The following PPARA variants were observed in gnomAD, a reference collection of about 807,000 sequenced individuals.
The protein encoded by PPARA is peroxisome proliferator-activated receptor alpha.
PPARA carries 22 observed loss-of-function variants against 42.2 expected under a neutral mutation model. That is an observed-to-expected ratio of 0.52 (90% CI 0.37 to 0.74). The LOEUF (loss-of-function observed/expected upper bound fraction) is 0.74. Ranked by LOEUF, PPARA falls within the 30% of genes least tolerant of loss-of-function variation. The pLI is 0.00. For synonymous variants in PPARA, 242 were observed against 239.3 expected, an observed-to-expected ratio of 1.01 and a Z score of -0.10; for missense variants, 465 against 608.2, an observed-to-expected ratio of 0.76 and a Z score of 2.48.
chr22:46,227,913 T>C lies in PPARA; in HGVS notation c.712-3879T>C, dbSNP rs558964602. On this transcript the variant is annotated intron_variant, in intron 7 of 8. Coordinates refer to ENST00000407236, the MANE Select transcript of PPARA (RefSeq NM_005036.6). The surrounding 1 kb of genome is among the most constrained non-coding windows in gnomAD (Gnocchi z 4.3). ...TGTTTATCCATAAAGTTTAGCGAAT[T>C]TGCAAGTGTGTTTTTCAACAGCATT... Among the ~76,000 whole-genome samples the C allele has an allele frequency of 6.6e-6, 1 of 152,342 alleles. No homozygotes were observed. The highest frequency in any genetic ancestry group is 1.9e-4 in the East Asian group (1 of 5,186).
At position 46,163,807 on chromosome 22, in the gene PPARA, A is replaced by G. The variant is rs1044227907; in HGVS notation, c.-127+11837A>G. On this transcript the variant is annotated intron_variant, in intron 2 of 8. Coordinates refer to ENST00000407236, the MANE Select transcript of PPARA (RefSeq NM_005036.6). The surrounding 1 kb of genome is among the most constrained non-coding windows in gnomAD (Gnocchi z 4.9). Reference sequence around the variant, plus strand: ...GAAGTCGCCCACACTGCTTTCCCCCATGGGAGTGACAAGGATGTGTCCCGC... The same window carrying G: ...GAAGTCGCCCACACTGCTTTCCCCCGTGGGAGTGACAAGGATGTGTCCCGC... The G allele has an allele frequency of 1.3e-5, 2 of 152,166 alleles. No homozygotes were observed. The highest frequency in any genetic ancestry group is 2.9e-5 in the Non-Finnish European group (2 of 68,046). The allele number at this position is 152,166 out of a possible 1,614,324, so 9.4% of individuals were successfully genotyped here. A position where few individuals can be genotyped will look rare whatever the true frequency, so the allele number is the denominator to read the frequency against.
In PPARA at chr22:46,227,550, T is replaced by A. The variant is rs1302902036; in HGVS notation, c.712-4242T>A. On this transcript the variant is annotated intron_variant, in intron 7 of 8. Transcript: ENST00000407236. This position sits in a 1 kb window ranked among gnomAD's most constrained non-coding sequence, Gnocchi z 4.3. Reference sequence around the variant, plus strand: ...TGCGGGCATGAGCTACTGCGCCTGGTCCACATTTAATTTTTTGCAAAAAGA... The same window carrying A: ...TGCGGGCATGAGCTACTGCGCCTGGACCACATTTAATTTTTTGCAAAAAGA... Among the ~76,000 whole-genome samples the A allele has an allele frequency of 1.3e-5, 2 of 152,094 alleles. No individual in the cohort carries two copies. The highest frequency in any genetic ancestry group is 4.8e-5 in the African/African-American group (2 of 41,426).
intron 2 of PPARA, among the ~76,000 whole-genome samples, chr22:46,154,312 G>A (rs1214910465): frequency 6.6e-6 from 1 of 152,202 alleles, no homozygotes; most frequent in Non-Finnish European, 1.5e-5. Flanking sequence ...TGGAGAGTCT[G>A]TTTTTTAAAT....
chr22:46,172,522 A>G (rs1928249587), intron 2 of PPARA, among the ~76,000 whole-genome samples: 1 of 152,070 alleles, frequency 6.6e-6, no homozygotes, highest in Non-Finnish European at 1.5e-5. Context: ...GGAGGCTGAG[A>G]CAGGAGAATC....
chr22:46,205,519 CATATAT>C lies in PPARA; in HGVS notation c.208+6959_208+6964del, dbSNP rs552533545. 8.7e-3 allele frequency among the ~76,000 whole-genome samples: 298 copies of C among 34,414 alleles called. 4 individuals carry two copies. The highest frequency in any genetic ancestry group is 0.015 in the East Asian group (14 of 916). 22.6% of individuals were successfully genotyped at this position (34,414 alleles called of 152,430 possible). The stretch of plus-strand genomic sequence containing the variant: ...ACAGGCGTGAGCCACCATGCCCAGC[CATATAT>C]ATATATATATATATATATATATATA... On this transcript the variant is annotated intron_variant, in intron 4 of 8. Coordinates refer to ENST00000407236, the MANE Select transcript of PPARA (RefSeq NM_005036.6).
rs972377993 is a variant in PPARA at position 46,183,706 on chromosome 22, A to T, written c.-43+6870A>T. Among the ~76,000 whole-genome samples the T allele has an allele frequency of 6.6e-6, 1 of 152,164 alleles. No homozygotes were observed. The highest frequency in any genetic ancestry group is 1.5e-5 in the Non-Finnish European group (1 of 68,036). On this transcript the variant is annotated intron_variant, in intron 3 of 8. Transcript: ENST00000407236. This position sits in a 1 kb window ranked among gnomAD's most constrained non-coding sequence, Gnocchi z 5.5. ...GCAGTGAGCTGTAATTGCACCATGC[A>T]CTCCAGCCTGGGTGAAAGAAGGAAA...
intron 4 of PPARA, among the ~76,000 whole-genome samples, chr22:46,214,853 AGACGCGCGG>A (rs1343686224): frequency 6.7e-6 from 1 of 148,580 alleles, no homozygotes; most frequent in Non-Finnish European, 1.5e-5. Context: ...TGTGGATGGG[AGACGCGCGG>A]GCCCGGAGAT....
chr22:46,187,816 C>G lies in PPARA; in HGVS notation c.-42-10526C>G, dbSNP rs754995033. 1.3e-5 allele frequency among the ~76,000 whole-genome samples: 2 copies of G among 152,344 alleles called. No homozygotes were observed. Among genetic ancestry groups the G allele is most frequent in the Non-Finnish European group, 2.9e-5 (2 of 68,042 alleles). On this transcript the variant is annotated intron_variant, in intron 3 of 8. Transcript: ENST00000407236. This position sits in a 1 kb window ranked among gnomAD's most constrained non-coding sequence, Gnocchi z 4.9. Reference sequence around the variant, plus strand: ...ACAAGTTCTTTGAGGCTCTTCCCATCAAGAGGTAGAGTTTATTTCCCCACC... The same window carrying G: ...ACAAGTTCTTTGAGGCTCTTCCCATGAAGAGGTAGAGTTTATTTCCCCACC...
chr22:46,162,984 C>A lies in PPARA; in HGVS notation c.-127+11014C>A, dbSNP rs751127114. 1.3e-5 allele frequency among the ~76,000 whole-genome samples: 2 copies of A among 152,240 alleles called. No homozygotes were observed. Among genetic ancestry groups the A allele is most frequent in the Non-Finnish European group, 2.9e-5 (2 of 68,044 alleles). ...CCAGGCACTGTCCTGCTGTGGAAAA[C>A]AGCAGGCATGATTCCCTGCCACTAC... is the stretch of plus-strand genomic sequence containing the variant. On this transcript the variant is annotated intron_variant, in intron 2 of 8. Transcript: ENST00000407236. The surrounding 1 kb of genome is among the most constrained non-coding windows in gnomAD (Gnocchi z 6.0).
chr22:46,218,480 A>G (rs930491135), intron 6 of PPARA, 79 bp downstream of exon 6: 1 of 1,587,806 alleles, frequency 6.3e-7, no homozygotes, highest in Non-Finnish European at 8.6e-7. Flanking sequence ...AGATCAAGCT[A>G]TGGATGAATG....
intron 2 of PPARA, among the ~76,000 whole-genome samples, chr22:46,168,376 A>G (rs1231635620): frequency 2.7e-5 from 4 of 148,068 alleles, no homozygotes; most frequent in Admixed American, 6.8e-5. Flanking sequence ...AAAAAAAAAA[A>G]AAGAAGAAAG....
chr22:46,177,442 C>T (rs1374149948), intron 3 of PPARA, among the ~76,000 whole-genome samples: 1 of 126,392 alleles, frequency 7.9e-6, no homozygotes, highest in Non-Finnish European at 1.6e-5. Flanking sequence ...CCAGCCTGGG[C>T]AACAGAACAA....
At position 46,161,926 on chromosome 22, in the gene PPARA, G is replaced by A. The variant is rs142449164; in HGVS notation, c.-127+9956G>A. Among the ~76,000 whole-genome samples the A allele has an allele frequency of 2.6e-3, 393 of 152,080 alleles. 1 individual carries two copies. The highest frequency in any genetic ancestry group is 6.8e-3 in the Middle Eastern group (2 of 294). On this transcript the variant is annotated intron_variant, in intron 2 of 8. Transcript: ENST00000407236. The surrounding 1 kb of genome is among the most constrained non-coding windows in gnomAD (Gnocchi z 4.8). ...TGAGCTTGAAACCTGTCACCCACCC[G>A]CCTTCCAGATGTCACCTGGGCCCTC...
intron 3 of PPARA, among the ~76,000 whole-genome samples, chr22:46,178,980 T>C (rs1421601699): frequency 6.6e-6 from 1 of 152,136 alleles, no homozygotes; most frequent in African/African-American, 2.4e-5. Context: ...GAATCTCAGG[T>C]ATGTACCCAG....
intron 3 of PPARA, among the ~76,000 whole-genome samples, chr22:46,194,866 G>C (rs1412378321): frequency 6.8e-6 from 1 of 146,826 alleles, no homozygotes; most frequent in East Asian, 2.0e-4. Flanking sequence ...GAGCCACCAC[G>C]CCTGGCCCCA....
chr22:46,199,221 C>CAGACCTCTA lies in PPARA; in HGVS notation c.208+630_208+631insAGACCTCTA, dbSNP rs1319206637. 9.9e-5 allele frequency among the ~76,000 whole-genome samples: 15 copies of CAGACCTCTA among 152,276 alleles called. No homozygotes were observed. In the East Asian group the frequency reaches 2.7e-3, roughly 27 times the overall value. On this transcript the variant is annotated intron_variant, in intron 4 of 8. Coordinates refer to ENST00000407236, the MANE Select transcript of PPARA (RefSeq NM_005036.6). Reference sequence around the variant, plus strand: ...TTTAAGAGGAGACGTGTGCAAGGGTCTGCATAGAGGTACTGTTGGTAAGAG... The same window carrying CAGACCTCTA: ...TTTAAGAGGAGACGTGTGCAAGGGTCAGACCTCTATGCATAGAGGTACTGTTGGTAAGAG...
chr22:46,217,815 CTTTCTTTTTTTTT>C (rs1934624521), intron 5 of PPARA, among the ~76,000 whole-genome samples: 6 of 88,872 alleles, frequency 6.8e-5, no homozygotes, highest in Admixed American at 5.7e-4. Context: ...AGAACTATTT[CTTTCTTTTTTTTT>C]TTTTTTTTTT....
rs1223334762 is a variant in PPARA, at chr22:46,187,515, G to C, written c.-43+10679G>C. 6.6e-6 allele frequency among the ~76,000 whole-genome samples: 1 copy of C among 152,102 alleles called. No individual in the cohort carries two copies. The highest frequency in any genetic ancestry group is 2.4e-5 in the African/African-American group (1 of 41,398). Reference sequence around the variant, plus strand: ...CCCAGGGCTGTCACCATCTTTTCTTGGGACAGTTACAACAGCCCCGTAAGG... The same window carrying C: ...CCCAGGGCTGTCACCATCTTTTCTTCGGACAGTTACAACAGCCCCGTAAGG... On this transcript the variant is annotated intron_variant, in intron 3 of 8. Transcript: ENST00000407236. The surrounding 1 kb of genome is among the most constrained non-coding windows in gnomAD (Gnocchi z 4.9).
At position 46,232,353 on chromosome 22, in the gene PPARA, C is replaced by A; in HGVS notation, c.1159+114C>A. On this transcript the variant is annotated intron_variant, in intron 8 of 8. Transcript: ENST00000407236. This position sits in a 1 kb window ranked among gnomAD's most constrained non-coding sequence, Gnocchi z 5.3. ...GAGCTGTTCCAGTGGAGGGGACACT[C>A]ACATGGTGGGAAGACGTCTGACCCC... is the stretch of plus-strand genomic sequence containing the variant. 9.4e-7 allele frequency: 1 copy of A among 1,063,250 alleles called. No individual in the cohort carries two copies. The highest frequency in any genetic ancestry group is 1.5e-6 in the Non-Finnish European group (1 of 686,418). 65.9% of individuals were successfully genotyped at this position (1,063,250 alleles called of 1,614,324 possible).
Sources: gnomAD v4.1 joint callset for allele counts (sites outside exome capture counted in the v4.1 genomes callset) on GRCh38, gnomAD v4.1.1 for gene constraint, Gnocchi (gnomAD v3.1) non-coding constraint, MANE v1.5 for transcripts, NCBI Gene and HGNC (gene_info 2026-07-23, HGNC 2026-07-21) for gene names.